The following PER3 variants were observed in gnomAD, a reference collection of about 807,000 sequenced individuals.
The protein encoded by PER3 is period circadian regulator 3.
PER3 carries 107 observed loss-of-function variants against 127.2 expected under a neutral mutation model. The observed-to-expected ratio is 0.84, with a 90% CI of 0.72 to 0.99. The LOEUF is 0.99. Among genes scored for constraint, PER3 ranks in the 50% least tolerant of loss-of-function variants. The pLI is 0.00. For synonymous variants in PER3, 618 were observed against 585.8 expected, an observed-to-expected ratio of 1.05 and a Z score of -0.79; for missense variants, 1,560 against 1,525.8, an observed-to-expected ratio of 1.02 and a Z score of -0.37.
intron 6 of PER3, among the ~76,000 whole-genome samples, chr1:7,794,226 C>T (rs1211874709): frequency 1.3e-5 from 2 of 152,270 alleles, no homozygotes; most frequent in South Asian, 2.1e-4. Flanking sequence ...CAGTGGCTCA[C>T]ACCTGTAATC....
chr1:7,827,283 C>G lies in PER3; in HGVS notation c.2354C>G (p.Ser785Cys). The G allele has an allele frequency of 6.2e-7, 1 of 1,613,834 alleles. No homozygotes were observed. The highest frequency in any genetic ancestry group is 8.5e-7 in the Non-Finnish European group (1 of 1,179,880). The change falls in exon 18 of 22, where the codon TCT becomes TGT. Residue 785 changes from serine to cysteine, a missense_variant. Physicochemically the swap from Ser to Cys is moderately radical, Grantham distance 112 (BLOSUM62 -1). Coordinates refer to ENST00000377532, the MANE Select transcript of PER3 (RefSeq NM_001377275.1). ...CCCTGCTGCCCCTCCGCGGCCTCCT[C>G]TCCGCACACCTCGAGCCCGACCTTC... ...AQPCCPSAAS[S>C]PHTSSPTFPP...
At chr1:7,819,465 G>T in intron 14 of PER3, 45 bp downstream of exon 14, 1 of 1,565,232 alleles carries the variant, frequency 6.4e-7, no homozygotes, top group Non-Finnish European at 8.8e-7. Context: ...TGTTCCGGAA[G>T]CATACACTGC....
rs186578260 is a variant in PER3 at position 7,832,455 on chromosome 1, C to T, written c.3214+2294C>T. On this transcript the variant is annotated intron_variant, in intron 19 of 21. Coordinates refer to ENST00000377532, the MANE Select transcript of PER3 (RefSeq NM_001377275.1). ...GTGGCACGATATTGGCTTACTGCAA[C>T]CTCCACCTCCCAGGATCAAGCGATT... Among the ~76,000 whole-genome samples, 45 of 149,174 alleles carry T rather than the reference C, an allele frequency of 3.0e-4. No individual in the cohort carries two copies. The East Asian group carries it at 9.1e-3, about 30-fold the overall frequency.
At position 7,827,748 on chromosome 1, in the gene PER3, A is replaced by G; in HGVS notation, c.2819A>G (p.Glu940Gly). Residue 940 changes from glutamate to glycine, a missense_variant, in exon 18 of 22, where the codon GAA becomes GGA. Around this residue, in one of 3 missense-constraint regions of PER3, gnomAD observed 1,332 missense variants for 1,223.6 expected, o/e 1.09. Coordinates refer to ENST00000377532, the MANE Select transcript of PER3 (RefSeq NM_001377275.1). Reference sequence around the variant, plus strand: ...CCCTTGCAGTTAAACTTACTTCAGGAAGAGATGCCCAGACCCTCTGAATCT... The same window carrying G: ...CCCTTGCAGTTAAACTTACTTCAGGGAGAGATGCCCAGACCCTCTGAATCT... Reference protein sequence around the residue: ...SSPLQLNLLQEEMPRPSESPD... With the variant: ...SSPLQLNLLQGEMPRPSESPD... 1 of 1,614,100 alleles carries G rather than the reference A, an allele frequency of 6.2e-7. No individual in the cohort carries two copies.
intron 12 of PER3, 168 bp downstream of exon 12, chr1:7,810,189 T>C (rs1211525195): frequency 9.7e-6 from 7 of 718,862 alleles, no homozygotes; most frequent in Admixed American, 3.0e-5. Flanking sequence ...AAAGAAAATA[T>C]CACCTTTGGA....
chr1:7,841,406 C>T (rs567296349), intron 21 of PER3, among the ~76,000 whole-genome samples: 3 of 151,850 alleles, frequency 2.0e-5, no homozygotes, highest in South Asian at 2.1e-4. Flanking sequence ...TGTTGGAAGA[C>T]GGGGTCCTTA....
chr1:7,785,107 C>T, intron 2 of PER3, 102 bp downstream of exon 2: 4 of 1,309,984 alleles, frequency 3.1e-6, no homozygotes, highest in Admixed American at 5.7e-5. Context: ...TTTTCAAGCC[C>T]AGGGGAAAGT....
intron 5 of PER3, among the ~76,000 whole-genome samples, chr1:7,792,494 A>G (rs566775878): frequency 6.6e-6 from 1 of 152,348 alleles, no homozygotes; most frequent in Non-Finnish European, 1.5e-5. Flanking sequence ...GGATCTCAAA[A>G]TTCACTTATG....
At position 7,826,889 on chromosome 1, in the gene PER3, C is replaced by T. The variant is rs567702135; in HGVS notation, c.2188+179C>T. Among the ~76,000 whole-genome samples the T allele has an allele frequency of 3.1e-4, 47 of 152,118 alleles. No homozygotes were observed. Among genetic ancestry groups the T allele is most frequent in the Admixed American group, 3.1e-3 (47 of 15,278 alleles). On this transcript the variant is annotated intron_variant, in intron 17 of 21. Transcript: ENST00000377532. The surrounding 1 kb of genome is among the most constrained non-coding windows in gnomAD (Gnocchi z 4.2). Reference sequence around the variant, plus strand: ...GTAAGTTCTTTGTTAGATCCTAGATCTGAGAAACTTTTTTGTGAGAAACTG... The same window carrying T: ...GTAAGTTCTTTGTTAGATCCTAGATTTGAGAAACTTTTTTGTGAGAAACTG...
intron 3 of PER3, among the ~76,000 whole-genome samples, chr1:7,786,116 T>C (rs909138801): frequency 3.3e-5 from 5 of 151,686 alleles, no homozygotes; most frequent in Non-Finnish European, 7.4e-5. Flanking sequence ...ATTAGCCGGG[T>C]GTGGTGGCGG....
intron 10 of PER3, among the ~76,000 whole-genome samples, chr1:7,806,616 C>A (rs1256171039): frequency 6.6e-6 from 1 of 151,246 alleles, no homozygotes; most frequent in Admixed American, 6.6e-5. Context: ...AGTGAGACCC[C>A]TTCTCTACAA....
chr1:7,787,478 T>C, intron 4 of PER3: 2 of 462,898 alleles, frequency 4.3e-6, no homozygotes, highest in South Asian at 1.7e-5. Flanking sequence ...CATAGTACTG[T>C]AGGAGGTGCT....
Position 7,827,545 on chromosome 1 carries a change from G to A in PER3, c.2616G>A (p.Ser872=), listed in dbSNP as rs17031614. The A allele has an allele frequency of 0.044, 71,719 of 1,614,116 alleles. 5,015 individuals are homozygous for A. Among genetic ancestry groups the A allele is most frequent in the Admixed American group, 0.28 (17,037 of 60,014 alleles). Residue 872 remains serine, a synonymous_variant, in exon 18 of 22, where the codon TCG becomes TCA. Transcript: ENST00000377532. Reference sequence around the variant, plus strand: ...CTGTCTGTCCTCTGTTGTCGCCATCGTTTTTGCCATGTCCATTCCTGGGGG... The same window carrying A: ...CTGTCTGTCCTCTGTTGTCGCCATCATTTTTGCCATGTCCATTCCTGGGGG... ...DPPVCPLLSP[S]FLPCPFLGAT...
intron 13 of PER3, among the ~76,000 whole-genome samples, chr1:7,817,338 T>C (rs1310250585): frequency 6.6e-6 from 1 of 152,152 alleles, no homozygotes; most frequent in African/African-American, 2.4e-5. Context: ...CATTGACAAC[T>C]GAGTCCAACT....
At chr1:7,790,015 C>T (rs1055047707) in intron 5 of PER3, among the ~76,000 whole-genome samples, 6 of 152,190 alleles carry the variant, frequency 3.9e-5, no homozygotes, top group Admixed American at 2.0e-4. Flanking sequence ...GGGTCAAGAA[C>T]TAGTCCGGAT....
chr1:7,793,483 C>T (rs1308142729), intron 5 of PER3, among the ~76,000 whole-genome samples: 1 of 152,070 alleles, frequency 6.6e-6, no homozygotes, highest in Non-Finnish European at 1.5e-5. Context: ...CCTAGGAACA[C>T]AACTTTTTGA....
intron 5 of PER3, 31 bp downstream of exon 5, chr1:7,788,277 T>G: frequency 7.0e-7 from 1 of 1,437,024 alleles, no homozygotes; most frequent in Non-Finnish European, 9.8e-7. Context: ...ATGTCTATCT[T>G]TCCTCATCAA....
At chr1:7,804,077 A>G (rs1174452809) in intron 10 of PER3, 3 of 379,148 alleles carry the variant, frequency 7.9e-6, no homozygotes, top group African/African-American at 6.2e-5. Context: ...ACTCTGGAAT[A>G]TTTGCTTGAT....
chr1:7,817,967 C>A (rs1035804138), intron 13 of PER3, among the ~76,000 whole-genome samples: 6 of 152,180 alleles, frequency 3.9e-5, no homozygotes, highest in African/African-American at 1.4e-4. Context: ...ACAAAACATA[C>A]TGACATCATG....
Sources: allele counts gnomAD v4.1 joint callset (sites outside exome capture counted in the v4.1 genomes callset), GRCh38; gene constraint gnomAD v4.1.1; regional missense constraint gnomAD v4.1.1; non-coding constraint Gnocchi (gnomAD v3.1); transcripts MANE v1.5; gene names NCBI Gene and HGNC (gene_info 2026-07-23, HGNC 2026-07-21).